MCC: variants seen among roughly 807,000 people sequenced by gnomAD.
The protein encoded by MCC is colorectal mutant cancer protein.
A neutral mutation model predicts 116.2 loss-of-function variants in MCC; 90 were observed. The ratio of observed to expected loss-of-function variants is 0.77; its 90% CI spans 0.65 to 0.92. The LOEUF is 0.92. Ranked by LOEUF, MCC falls within the 40% of genes least tolerant of loss-of-function variation. The pLI is 0.00. For synonymous variants in MCC, 578 were observed against 510.5 expected, an observed-to-expected ratio of 1.13 and a Z score of -1.78; for missense variants, 1,516 against 1,312.2, an observed-to-expected ratio of 1.16 and a Z score of -2.40.
chr5:113,234,682 T>A (rs1009549411), intron 3 of MCC: 1 of 152,150 alleles, frequency 6.6e-6, no homozygotes, highest in South Asian at 2.1e-4. Context: ...AGAAAACAAC[T>A]AGAGTTAAAA....
intron 3 of MCC, among the ~76,000 whole-genome samples, chr5:113,167,607 A>G (rs780012634): frequency 6.6e-6 from 1 of 152,062 alleles, no homozygotes; most frequent in East Asian, 1.9e-4. Flanking sequence ...CATGACCTAC[A>G]ACCACCACCT....
At chr5:113,465,095 A>AC (rs902381656) in intron 1 of MCC, among the ~76,000 whole-genome samples, 1 of 146,882 alleles carries the variant, frequency 6.8e-6, no homozygotes, top group Non-Finnish European at 1.5e-5. Context: ...AATAGCCAAG[A>AC]TTTTTTTTTT....
chr5:113,420,112 GAATT>G lies in MCC; in HGVS notation c.171-34904_171-34901del, dbSNP rs1318569788. Among the ~76,000 whole-genome samples the G allele has an allele frequency of 1.0e-4, 13 of 126,846 alleles. No homozygotes were observed. In the East Asian group the frequency reaches 1.6e-3, roughly 15 times the overall value. The allele number at this position is 126,846 out of a possible 152,430, so 83.2% of individuals were successfully genotyped here. A position where few individuals can be genotyped will look rare whatever the true frequency, so the allele number is the denominator to read the frequency against. On this transcript the variant is annotated intron_variant, in intron 1 of 18. Transcript: ENST00000408903. ...TTATATCTCAATTGAAATAAAAAAA[GAATT>G]CATTCATTGTGCCAAAGTTTACTTA...
At chr5:113,068,681 G>A (rs575188960) in intron 12 of MCC, among the ~76,000 whole-genome samples, 147 of 152,302 alleles carry the variant, frequency 9.7e-4, no homozygotes, top group African/African-American at 3.3e-3. Flanking sequence ...CATCCTCCCC[G>A]GAGCAGGCCA....
chr5:113,085,296 T>A lies in MCC; in HGVS notation c.1413A>T (p.Gln471His). The A allele has an allele frequency of 6.2e-7, 1 of 1,612,564 alleles. No homozygotes were observed. The highest frequency in any genetic ancestry group is 8.5e-7 in the Non-Finnish European group (1 of 1,178,932). Residue 471 changes from glutamine to histidine, a missense_variant, in exon 9 of 19, where the codon CAA becomes CAT. Transcript: ENST00000408903. ...TGGCCTGCACGCTCTGTAGTCGAGT[T>A]TGAAGCTCTCTGACCTGAAATCATA... ...DRLRRRVREL[Q>H]TRLQSVQATG... is the part of the protein sequence containing the mutation.
chr5:113,332,693 T>G (rs570287721), intron 3 of MCC, among the ~76,000 whole-genome samples: 1 of 151,604 alleles, frequency 6.6e-6, no homozygotes, highest in Admixed American at 6.6e-5. Flanking sequence ...CAATAAAATA[T>G]AACATTTGGG....
chr5:113,479,943 A>G (rs1772332519), intron 1 of MCC, among the ~76,000 whole-genome samples: 1 of 152,184 alleles, frequency 6.6e-6, no homozygotes, highest in South Asian at 2.1e-4. Flanking sequence ...GAATAAATAT[A>G]TTGCAGGTTT....
chr5:113,172,054 G>T (rs1185554616), intron 3 of MCC, among the ~76,000 whole-genome samples: 1 of 152,164 alleles, frequency 6.6e-6, no homozygotes, highest in Non-Finnish European at 1.5e-5. Context: ...GTAGGGGAAG[G>T]ATTCTATATG....
chr5:113,301,906 G>A (rs1397828597), intron 3 of MCC, among the ~76,000 whole-genome samples: 1 of 152,166 alleles, frequency 6.6e-6, no homozygotes, highest in African/African-American at 2.4e-5. Flanking sequence ...ATTTCACTGT[G>A]TGCATGAAGA....
intron 1 of MCC, among the ~76,000 whole-genome samples, chr5:113,412,184 A>G (rs1385834997): frequency 6.6e-6 from 1 of 152,190 alleles, no homozygotes; most frequent in Non-Finnish European, 1.5e-5. Flanking sequence ...GCCTTATAGT[A>G]TAGTTTGAAG....
intron 1 of MCC, among the ~76,000 whole-genome samples, chr5:113,484,030 C>A (rs1464210095): frequency 6.6e-6 from 1 of 152,088 alleles, no homozygotes; most frequent in Non-Finnish European, 1.5e-5. Flanking sequence ...ACAACACGCA[C>A]TGGGGCCTAT....
At chr5:113,349,592 T>C (rs115570570) in intron 2 of MCC, among the ~76,000 whole-genome samples, 3,671 of 152,124 alleles carry the variant, frequency 0.024, 154 homozygotes, top group African/African-American at 0.084. Flanking sequence ...AGTATCATAC[T>C]AAATGGGGAA....
At chr5:113,057,080 T>G (rs1752882482) in intron 14 of MCC, among the ~76,000 whole-genome samples, 1 of 152,030 alleles carries the variant, frequency 6.6e-6, no homozygotes, top group Non-Finnish European at 1.5e-5. Context: ...CAGGACACAG[T>G]AAATGCAATC....
At chr5:113,083,618 G>A (rs1215259262) in intron 10 of MCC, among the ~76,000 whole-genome samples, 2 of 152,160 alleles carry the variant, frequency 1.3e-5, no homozygotes, top group Non-Finnish European at 2.9e-5. Flanking sequence ...GTCCCAGGGG[G>A]TTTCCAGACT....
At chr5:113,173,408 T>A (rs1315409989) in intron 3 of MCC, among the ~76,000 whole-genome samples, 1 of 152,230 alleles carries the variant, frequency 6.6e-6, no homozygotes, top group Non-Finnish European at 1.5e-5. Flanking sequence ...TTACTCTAAA[T>A]GACAATATTA....
At chr5:113,086,214 A>C (rs985461766) in intron 8 of MCC, among the ~76,000 whole-genome samples, 2 of 152,208 alleles carry the variant, frequency 1.3e-5, no homozygotes, top group Non-Finnish European at 2.9e-5. Context: ...ACTCCAGCTG[A>C]AGTCATCCAG....
In MCC at chr5:113,068,186, G is replaced by A. The variant is rs957168242; in HGVS notation, c.1926-3C>T. 3 of 1,611,892 alleles carry A rather than the reference G, an allele frequency of 1.9e-6. No individual in the cohort carries two copies. Among genetic ancestry groups the A allele is most frequent in the Non-Finnish European group, 2.5e-6 (3 of 1,178,208 alleles). On this transcript the variant is annotated splice_polypyrimidine_tract_variant and splice_region_variant and intron_variant, in intron 12 of 18. Coordinates refer to ENST00000408903, the MANE Select transcript of MCC (RefSeq NM_001085377.2). ...CGTAGGCTTCGATGCACTGCTCGCTGAAACAAAGCACATGGGGCCTCAGCC... is the reference window on the plus strand; with the variant it reads ...CGTAGGCTTCGATGCACTGCTCGCTAAAACAAAGCACATGGGGCCTCAGCC...
chr5:113,095,462 C>T (rs184839827), intron 8 of MCC, among the ~76,000 whole-genome samples: 5 of 152,308 alleles, frequency 3.3e-5, no homozygotes, highest in East Asian at 3.9e-4. Context: ...TAAATCATCA[C>T]CCATCACAAA....
chr5:113,397,594 C>T (rs553482195), intron 1 of MCC, among the ~76,000 whole-genome samples: 8 of 152,230 alleles, frequency 5.3e-5, no homozygotes, highest in African/African-American at 1.9e-4. Context: ...GGGGAAAAGA[C>T]TCCCTGGTCA....
Sources: gnomAD v4.1 joint callset for allele counts (sites outside exome capture counted in the v4.1 genomes callset) on GRCh38, gnomAD v4.1.1 for gene constraint, MANE v1.5 for transcripts, NCBI Gene and HGNC (gene_info 2026-07-23, HGNC 2026-07-21) for gene names.